The following NTRK2 variants were observed in gnomAD, a reference collection of about 807,000 sequenced individuals.
NTRK2 encodes the protein BDNF/NT-3 growth factors receptor.
Under a neutral mutation model 94.5 loss-of-function variants are expected in NTRK2, and 13 were observed. That is an observed-to-expected ratio of 0.14 (90% CI 0.09 to 0.22). The LOEUF is 0.22. Ranked by LOEUF, NTRK2 falls within the 10% of genes least tolerant of loss-of-function variation. The probability of loss-of-function intolerance (pLI) is 1.00; values close to 1 mark genes in which losing one functional copy is unlikely to be tolerated. For synonymous variants in NTRK2, 372 were observed against 407.4 expected (o/e 0.91, Z 1.05); for missense variants, 639 against 1,071.2 (o/e 0.60, Z 5.63).
chr9:84,975,212 T>C (rs1389230007), intron 17 of NTRK2, among the ~76,000 whole-genome samples: 3 of 152,072 alleles, frequency 2.0e-5, no homozygotes, highest in African/African-American at 7.2e-5. Flanking sequence ...GTGGAGCTTT[T>C]TTCCCCCCTC....
chr9:84,920,502 C>T (rs1026382760), intron 14 of NTRK2, among the ~76,000 whole-genome samples: 5 of 152,186 alleles, frequency 3.3e-5, no homozygotes, highest in African/African-American at 1.2e-4. Context: ...CTCTTTCCCA[C>T]TCCTTCCGTC....
intron 2 of NTRK2, among the ~76,000 whole-genome samples, chr9:84,672,461 T>C (rs1208243076): frequency 6.6e-6 from 1 of 152,216 alleles, no homozygotes; most frequent in Non-Finnish European, 1.5e-5. Context: ...CCAAAGTCTG[T>C]GGCCTTTTGT....
intron 12 of NTRK2, among the ~76,000 whole-genome samples, chr9:84,857,570 C>G (rs1388566675): frequency 2.6e-5 from 4 of 152,162 alleles, no homozygotes; most frequent in Non-Finnish European, 5.9e-5. Flanking sequence ...GAAGAGGTGC[C>G]AACCTGACCT....
intron 14 of NTRK2, among the ~76,000 whole-genome samples, chr9:84,924,973 G>A (rs184692140): frequency 6.6e-6 from 1 of 152,266 alleles, no homozygotes; most frequent in African/African-American, 2.4e-5. Flanking sequence ...TAAATAGAGA[G>A]GCTTAGGATG....
chr9:84,707,537 A>G (rs1200600773), intron 4 of NTRK2, among the ~76,000 whole-genome samples: 1 of 152,186 alleles, frequency 6.6e-6, no homozygotes, highest in Non-Finnish European at 1.5e-5. Context: ...TCAAAAGATC[A>G]GGGTTTCTAT....
intron 11 of NTRK2, among the ~76,000 whole-genome samples, chr9:84,748,028 G>A (rs897744091): frequency 3.3e-5 from 5 of 152,162 alleles, no homozygotes; most frequent in Non-Finnish European, 7.3e-5. Flanking sequence ...GAGCCAAGAA[G>A]CAGATACAAA....
At chr9:84,881,479 G>A (rs972492237) in intron 14 of NTRK2, among the ~76,000 whole-genome samples, 1 of 152,188 alleles carries the variant, frequency 6.6e-6, no homozygotes. Context: ...CTGAATCATA[G>A]TCTGTTCAAC....
chr9:84,870,320 G>GCTGTGT, intron 14 of NTRK2, among the ~76,000 whole-genome samples: 1 of 46,348 alleles, frequency 2.2e-5, no homozygotes, highest in African/African-American at 7.3e-5. Context: ...ATATATGTGG[G>GCTGTGT]GTGTGTGTGT....
chr9:84,802,815 G>A (rs1048229567), intron 12 of NTRK2, among the ~76,000 whole-genome samples: 3 of 152,246 alleles, frequency 2.0e-5, no homozygotes, highest in African/African-American at 4.8e-5. Context: ...GTGATCTGCC[G>A]TTGACAGTAT....
At chr9:84,940,581 C>G (rs1037534315) in intron 15 of NTRK2, among the ~76,000 whole-genome samples, 1 of 152,184 alleles carries the variant, frequency 6.6e-6, no homozygotes, top group Non-Finnish European at 1.5e-5. Context: ...TGCCAGGACA[C>G]CTACCTTCCA....
At chr9:84,987,450 C>A (rs961688351) in intron 17 of NTRK2, among the ~76,000 whole-genome samples, 1 of 152,156 alleles carries the variant, frequency 6.6e-6, no homozygotes, top group African/African-American at 2.4e-5. Context: ...TAAATATTTT[C>A]TTCCCTCTAT....
chr9:84,885,936 C>T (rs2076399947), intron 14 of NTRK2, among the ~76,000 whole-genome samples: 1 of 151,886 alleles, frequency 6.6e-6, no homozygotes, highest in Admixed American at 6.6e-5. Context: ...GAGGCTGAGG[C>T]AGGAGAATCG....
At chr9:85,006,053 T>G (rs1830924077) in intron 17 of NTRK2, among the ~76,000 whole-genome samples, 1 of 152,180 alleles carries the variant, frequency 6.6e-6, no homozygotes, top group African/African-American at 2.4e-5. Context: ...GCTCAATATA[T>G]TTTTGCTGAA....
intron 14 of NTRK2, among the ~76,000 whole-genome samples, chr9:84,929,762 A>G (rs1415710439): frequency 6.6e-6 from 1 of 152,148 alleles, no homozygotes; most frequent in East Asian, 1.9e-4. Flanking sequence ...GGGTTTCACC[A>G]CGTTGGCCAG....
chr9:84,771,732 C>T (rs146180082), intron 12 of NTRK2, among the ~76,000 whole-genome samples: 99 of 152,230 alleles, frequency 6.5e-4, no homozygotes, highest in African/African-American at 2.3e-3. Context: ...TCTCTGATCC[C>T]CACAACATGG....
At chr9:84,795,905 AGTTC>A (rs1323101129) in intron 12 of NTRK2, among the ~76,000 whole-genome samples, 1 of 151,466 alleles carries the variant, frequency 6.6e-6, no homozygotes, top group Non-Finnish European at 1.5e-5. Context: ...CCTTGCATAG[AGTTC>A]CAGGTGCTAT....
intron 17 of NTRK2, among the ~76,000 whole-genome samples, chr9:84,988,889 G>A (rs1224556076): frequency 6.6e-6 from 1 of 152,224 alleles, no homozygotes; most frequent in Non-Finnish European, 1.5e-5. Context: ...GAGGCTACCA[G>A]GAGTGGCTTA....
intron 12 of NTRK2, among the ~76,000 whole-genome samples, chr9:84,782,636 G>A (rs2067706776): frequency 6.6e-6 from 1 of 152,118 alleles, no homozygotes; most frequent in Admixed American, 6.5e-5. Context: ...TTCAGATATG[G>A]CTCATGTCCA....
At chr9:84,893,696 G>A (rs2076663150) in intron 14 of NTRK2, among the ~76,000 whole-genome samples, 2 of 152,176 alleles carry the variant, frequency 1.3e-5, no homozygotes, top group South Asian at 4.1e-4. Context: ...TGAGACAAAG[G>A]AGGAAATAGT....
Sources: allele counts gnomAD v4.1 joint callset (sites outside exome capture counted in the v4.1 genomes callset), GRCh38; gene constraint gnomAD v4.1.1; transcripts MANE v1.5; gene names NCBI Gene and HGNC (gene_info 2026-07-23, HGNC 2026-07-21).